Variants in PAPPA2 observed in about 807,000 individuals in gnomAD.
PAPPA2 encodes the protein pappalysin 2.
A neutral mutation model predicts 176.4 loss-of-function variants in PAPPA2; 86 were observed. That is an observed-to-expected ratio of 0.49 (90% CI 0.41 to 0.58). The LOEUF (loss-of-function observed/expected upper bound fraction) is 0.58, where lower values mean the gene tolerates loss of function less well. Ranked by LOEUF, PAPPA2 falls within the 20% of genes least tolerant of loss-of-function variation. PAPPA2 has a pLI of 0.00. For synonymous variants in PAPPA2, 809 were observed against 852.2 expected (o/e 0.95, Z 0.88); for missense variants, 2,073 against 2,256.9 (o/e 0.92, Z 1.65).
chr1:176,465,725 A>G (rs1651589924), intron 1 of PAPPA2, among the ~76,000 whole-genome samples: 2 of 146,890 alleles, frequency 1.4e-5, no homozygotes, highest in South Asian at 4.3e-4. Flanking sequence ...TTTTTTTTGC[A>G]TAGGTTATTT....
At chr1:176,816,225 TTA>T (rs1666390543) in intron 21 of PAPPA2, among the ~76,000 whole-genome samples, 3 of 58,936 alleles carry the variant, frequency 5.1e-5, no homozygotes, top group African/African-American at 1.7e-4. Flanking sequence ...TATATAAAAT[TTA>T]TGTGTGTGTG....
At chr1:176,781,232 A>C (rs1177546720) in intron 17 of PAPPA2, among the ~76,000 whole-genome samples, 1 of 152,172 alleles carries the variant, frequency 6.6e-6, no homozygotes, top group African/African-American at 2.4e-5. Context: ...CATAAGATTT[A>C]GAAGAAAGTC....
At chr1:176,539,782 C>T (rs937627874) in intron 1 of PAPPA2, among the ~76,000 whole-genome samples, 1 of 152,146 alleles carries the variant, frequency 6.6e-6, no homozygotes, top group Non-Finnish European at 1.5e-5. Context: ...ACGGGGAATC[C>T]ACTTTGGTCC....
At chr1:176,820,190 C>T (rs1156410767) in intron 21 of PAPPA2, among the ~76,000 whole-genome samples, 1 of 152,156 alleles carries the variant, frequency 6.6e-6, no homozygotes, top group East Asian at 1.9e-4. Flanking sequence ...GGACTTGCCC[C>T]ATCCTTGTCT....
Position 176,514,020 on chromosome 1 carries a change from G to A in PAPPA2, c.-916-41387G>A, listed in dbSNP as rs140243569. Among the ~76,000 whole-genome samples the A allele has an allele frequency of 2.2e-3, 329 of 152,208 alleles. 2 individuals carry two copies. The highest frequency in any genetic ancestry group is 6.4e-3 in the African/African-American group (264 of 41,526). On this transcript the variant is annotated intron_variant, in intron 1 of 22. Coordinates refer to ENST00000367662, the MANE Select transcript of PAPPA2 (RefSeq NM_020318.3). ...GGAGGCTTATTACCACAATTTTATGGATGACTATTTCAGAGAGACAACAAG... is the reference window on the plus strand; with the variant it reads ...GGAGGCTTATTACCACAATTTTATGAATGACTATTTCAGAGAGACAACAAG...
chr1:176,801,107 A>ACG (rs536247185), intron 21 of PAPPA2, among the ~76,000 whole-genome samples: 27 of 148,348 alleles, frequency 1.8e-4, no homozygotes, highest in African/African-American at 6.4e-4. Flanking sequence ...ACACACACGC[A>ACG]CACACACACA....
chr1:176,723,169 C>T (rs1349033967), intron 12 of PAPPA2, among the ~76,000 whole-genome samples: 1 of 152,128 alleles, frequency 6.6e-6, no homozygotes, highest in East Asian at 1.9e-4. Context: ...CTGAACTACT[C>T]CCATGATAAT....
intron 1 of PAPPA2, among the ~76,000 whole-genome samples, chr1:176,539,077 G>A (rs1329558002): frequency 1.2e-4 from 19 of 152,146 alleles, no homozygotes. Context: ...TAGGTGCTAA[G>A]TAAAGTCTTT....
rs569355132 is a variant in PAPPA2 at position 176,763,781 on chromosome 1, G to T, written c.4152-1885G>T. The stretch of plus-strand genomic sequence containing the variant: ...GATAAAGCAAAAGAAATTTAGAAGG[G>T]AGTTATTTTTTAAATTTCACTGGGA... On this transcript the variant is annotated intron_variant, in intron 14 of 22. Coordinates refer to ENST00000367662, the MANE Select transcript of PAPPA2 (RefSeq NM_020318.3). Among the ~76,000 whole-genome samples, 37 of 152,302 alleles carry T rather than the reference G, an allele frequency of 2.4e-4. 1 individual carries two copies. Among genetic ancestry groups the T allele is most frequent in the African/African-American group, 7.9e-4 (33 of 41,574 alleles).
chr1:176,769,802 A>C lies in PAPPA2; in HGVS notation c.4501+18A>C. The stretch of plus-strand genomic sequence containing the variant: ...GCTGCAAGGTATTGTCTGGTCAACC[A>C]GGAACTGTATGCAAGTTCTCTGCCA... On this transcript the variant is annotated intron_variant, in intron 16 of 22. Transcript: ENST00000367662. The C allele has an allele frequency of 6.3e-7, 1 of 1,579,872 alleles. No homozygotes were observed. Among genetic ancestry groups the C allele is most frequent in the East Asian group, 2.2e-5 (1 of 44,478 alleles).
chr1:176,703,521 C>T (rs1660753250), intron 9 of PAPPA2, among the ~76,000 whole-genome samples: 1 of 152,138 alleles, frequency 6.6e-6, no homozygotes, highest in African/African-American at 2.4e-5. Flanking sequence ...AGGCTGGAAG[C>T]CAGACACTGT....
chr1:176,742,201 C>A (rs998645025), intron 14 of PAPPA2, among the ~76,000 whole-genome samples: 1 of 152,144 alleles, frequency 6.6e-6, no homozygotes, highest in Non-Finnish European at 1.5e-5. Flanking sequence ...CTCAGTATCT[C>A]TGAATATCTA....
chr1:176,694,805 C>A (rs1036105164), intron 6 of PAPPA2, among the ~76,000 whole-genome samples: 1 of 152,168 alleles, frequency 6.6e-6, no homozygotes, highest in African/African-American at 2.4e-5. Context: ...TGGGTCCAAT[C>A]CTGTTGGAAA....
At chr1:176,837,260 A>G (rs1193528456) in intron 21 of PAPPA2, among the ~76,000 whole-genome samples, 1 of 152,150 alleles carries the variant, frequency 6.6e-6, no homozygotes, top group African/African-American at 2.4e-5. Context: ...CGTCATAAGA[A>G]GAGTAGTCCA....
chr1:176,746,204 G>C (rs1416362525), intron 14 of PAPPA2, among the ~76,000 whole-genome samples: 1 of 152,174 alleles, frequency 6.6e-6, no homozygotes, highest in Non-Finnish European at 1.5e-5. Context: ...TGACATGCTA[G>C]CTGGTAAAGA....
chr1:176,575,585 T>C (rs995421962), intron 2 of PAPPA2, among the ~76,000 whole-genome samples: 1 of 152,232 alleles, frequency 6.6e-6, no homozygotes, highest in African/African-American at 2.4e-5. Context: ...ATTCAACAAG[T>C]ATTTATTAAA....
chr1:176,623,613 TCCTTCC>T (rs1558479028), intron 3 of PAPPA2, among the ~76,000 whole-genome samples: 436 of 136,702 alleles, frequency 3.2e-3, no homozygotes, highest in South Asian at 5.6e-3. Context: ...CTTCCTTCCT[TCCTTCC>T]TTCCTTTTTT....
chr1:176,566,091 G>A (rs1415698959), intron 2 of PAPPA2, among the ~76,000 whole-genome samples: 12 of 152,186 alleles, frequency 7.9e-5, no homozygotes, highest in Admixed American at 7.9e-4. Flanking sequence ...AAAAAGAGAA[G>A]AGAAACCGAG....
chr1:176,603,478 G>T (rs528511741), intron 3 of PAPPA2, among the ~76,000 whole-genome samples: 1 of 152,226 alleles, frequency 6.6e-6, no homozygotes, highest in East Asian at 1.9e-4. Flanking sequence ...TTTTTCTGAG[G>T]TTCCATCAGA....
Sources: allele counts gnomAD v4.1 joint callset (sites outside exome capture counted in the v4.1 genomes callset), GRCh38; gene constraint gnomAD v4.1.1; transcripts MANE v1.5; gene names NCBI Gene and HGNC (gene_info 2026-07-23, HGNC 2026-07-21).